Variants in PSMD14 observed in about 807,000 individuals in gnomAD.
PSMD14 encodes the protein ubiquitin C-terminal hydrolase PSMD14.
PSMD14 carries 7 observed loss-of-function variants against 41.2 expected under a neutral mutation model. That is an observed-to-expected ratio of 0.17 (90% CI 0.10 to 0.32). PSMD14 has a LOEUF of 0.32. Ranked by LOEUF, PSMD14 falls within the 10% of genes least tolerant of loss-of-function variation. The probability of loss-of-function intolerance (pLI) is 1.00; values close to 1 mark genes in which losing one functional copy is unlikely to be tolerated. For synonymous variants in PSMD14, 114 were observed against 122.3 expected (o/e 0.93, Z 0.45); for missense variants, 139 against 375.6 (o/e 0.37, Z 5.21).
intron 1 of PSMD14, among the ~76,000 whole-genome samples, chr2:161,316,018 A>G (rs780385658): frequency 6.6e-5 from 10 of 151,724 alleles, no homozygotes; most frequent in Non-Finnish European, 1.5e-4. Flanking sequence ...ATTTTTTTGT[A>G]TTTTTAGTAG....
At chr2:161,308,775 T>C (rs1021059806) in intron 1 of PSMD14, 171 bp downstream of exon 1, 2 of 152,492 alleles carry the variant, frequency 1.3e-5, no homozygotes, top group African/African-American at 4.8e-5. Flanking sequence ...CAGGGCTCTC[T>C]GGCAGGGTCA....
At chr2:161,375,630 G>A (rs563038263) in intron 7 of PSMD14, among the ~76,000 whole-genome samples, 1 of 152,058 alleles carries the variant, frequency 6.6e-6, no homozygotes, top group African/African-American at 2.4e-5. Context: ...TTTTTCCACA[G>A]ATATTAGAAT....
intron 1 of PSMD14, among the ~76,000 whole-genome samples, chr2:161,312,263 C>T (rs1321780594): frequency 1.3e-5 from 2 of 151,972 alleles, no homozygotes; most frequent in African/African-American, 2.4e-5. Context: ...CCTGCCTCAG[C>T]CTCCTGAGTA....
intron 3 of PSMD14, among the ~76,000 whole-genome samples, chr2:161,327,849 A>G (rs967560679): frequency 1.3e-5 from 2 of 151,994 alleles, no homozygotes; most frequent in East Asian, 1.9e-4. Context: ...TATCAGGGAA[A>G]TGAAAACTAA....
intron 10 of PSMD14, chr2:161,407,593 A>T (rs2105273681): frequency 6.6e-6 from 1 of 152,236 alleles, no homozygotes; most frequent in Admixed American, 6.5e-5. Flanking sequence ...AGAAGGTGTG[A>T]AATGCAGCCA....
At chr2:161,335,766 T>TTAGC (rs1390854182) in intron 3 of PSMD14, among the ~76,000 whole-genome samples, 3 of 152,220 alleles carry the variant, frequency 2.0e-5, no homozygotes, top group Non-Finnish European at 4.4e-5. Context: ...ATCAGTGTAG[T>TTAGC]TAGCCTGATA....
At chr2:161,368,062 A>G (rs1574132433) in intron 5 of PSMD14, among the ~76,000 whole-genome samples, 159 bp downstream of exon 5, 1 of 152,324 alleles carries the variant, frequency 6.6e-6, no homozygotes, top group East Asian at 1.9e-4. Flanking sequence ...GAATTAAATC[A>G]TTAATCTTTA....
chr2:161,343,569 T>C (rs1030365830), intron 3 of PSMD14, among the ~76,000 whole-genome samples: 3 of 152,238 alleles, frequency 2.0e-5, no homozygotes. Flanking sequence ...GGCTCACGCC[T>C]GTAAACCCTG....
chr2:161,355,160 A>AT (rs1683178539), intron 3 of PSMD14, among the ~76,000 whole-genome samples: 1 of 152,202 alleles, frequency 6.6e-6, no homozygotes, highest in Admixed American at 6.5e-5. Context: ...TGCTAATCAA[A>AT]TTTTTAATAA....
At chr2:161,376,728 A>G (rs928341749) in intron 7 of PSMD14, among the ~76,000 whole-genome samples, 5 of 151,900 alleles carry the variant, frequency 3.3e-5, no homozygotes, top group African/African-American at 1.2e-4. Context: ...GCACTTAACC[A>G]TTTTGTATTT....
intron 3 of PSMD14, among the ~76,000 whole-genome samples, chr2:161,355,614 A>G (rs1683185006): frequency 6.6e-6 from 1 of 152,108 alleles, no homozygotes. Context: ...AGATCATGCC[A>G]TAAAAGGAAT....
chr2:161,313,283 A>T (rs1689110241), intron 1 of PSMD14, among the ~76,000 whole-genome samples: 1 of 152,342 alleles, frequency 6.6e-6, no homozygotes, highest in Admixed American at 6.5e-5. Context: ...TAGTGAAAAA[A>T]CAACTGTATT....
chr2:161,389,083 A>G (rs1192374066), intron 8 of PSMD14, among the ~76,000 whole-genome samples: 3 of 152,278 alleles, frequency 2.0e-5, no homozygotes, highest in East Asian at 1.9e-4. Context: ...GCTTTTATCT[A>G]TATAATGTAA....
At chr2:161,408,443 T>C (rs1683983188) in intron 10 of PSMD14, 2 of 174,876 alleles carry the variant, frequency 1.1e-5, no homozygotes, top group Middle Eastern at 2.6e-3. Context: ...AAATGGGAAA[T>C]TGGGAAAGAA....
intron 3 of PSMD14, among the ~76,000 whole-genome samples, chr2:161,325,554 T>C (rs1682682836): frequency 6.6e-6 from 1 of 152,198 alleles, no homozygotes; most frequent in South Asian, 2.1e-4. Flanking sequence ...ACTGTTTTCA[T>C]GGATGAGGAC....
intron 3 of PSMD14, among the ~76,000 whole-genome samples, chr2:161,357,035 C>T (rs1202459444): frequency 7.1e-6 from 1 of 140,918 alleles, no homozygotes; most frequent in Admixed American, 7.1e-5. Context: ...GTAGGTAACA[C>T]TTTGAGGCAT....
At chr2:161,407,498 A>G (rs1053626057) in intron 10 of PSMD14, 3 of 152,082 alleles carry the variant, frequency 2.0e-5, no homozygotes, top group African/African-American at 7.2e-5. Flanking sequence ...TACTGGGGAA[A>G]ATTCTCTAGA....
At chr2:161,331,167 C>T (rs1474997596) in intron 3 of PSMD14, among the ~76,000 whole-genome samples, 6 of 151,604 alleles carry the variant, frequency 4.0e-5, no homozygotes, top group East Asian at 3.9e-4. Context: ...CCTGGTTTCA[C>T]GGTTTCTGGT....
Position 161,341,869 on chromosome 2 carries a change from A to T in PSMD14, c.48+22996A>T, listed in dbSNP as rs867004246. On this transcript the variant is annotated intron_variant, in intron 3 of 11. Coordinates refer to ENST00000409682, the MANE Select transcript of PSMD14 (RefSeq NM_005805.6). The stretch of plus-strand genomic sequence containing the variant: ...AAAAAAAAAAATTAAAATTAAAAAA[A>T]ATATATATGTATATATAAATTTGTG... 6.1e-3 allele frequency among the ~76,000 whole-genome samples: 837 copies of T among 137,274 alleles called. 4 individuals are homozygous for T. The highest frequency in any genetic ancestry group is 0.012 in the African/African-American group (426 of 37,028). 90.1% of individuals were successfully genotyped at this position (137,274 alleles called of 152,430 possible). A position where few individuals can be genotyped will look rare whatever the true frequency, so the allele number is the denominator to read the frequency against.
Sources: allele counts gnomAD v4.1 joint callset (sites outside exome capture counted in the v4.1 genomes callset), GRCh38; gene constraint gnomAD v4.1.1; transcripts MANE v1.5; gene names NCBI Gene and HGNC (gene_info 2026-07-23, HGNC 2026-07-21).